Variants in AKAP6 observed in about 807,000 individuals in gnomAD.
AKAP6 encodes A-kinase anchoring protein 6, also known as A-kinase anchor protein 6.
A neutral mutation model predicts 188.5 loss-of-function variants in AKAP6; 58 were observed. The observed-to-expected ratio is 0.31, with a 90% CI of 0.25 to 0.38. The LOEUF is 0.38. Among genes scored for constraint, AKAP6 ranks in the 10% least tolerant of loss-of-function variants. The pLI, the probability that AKAP6 is intolerant of heterozygous loss-of-function variation, is 1.00. For missense variants in AKAP6, 2,710 were observed against 2,740.0 expected (o/e 0.99, Z 0.24); for synonymous variants, 989 against 998.6 (o/e 0.99, Z 0.18).
chr14:32,369,274 A>C (rs1887935005), intron 1 of AKAP6, among the ~76,000 whole-genome samples: 1 of 152,196 alleles, frequency 6.6e-6, no homozygotes, highest in Admixed American at 6.5e-5. Flanking sequence ...GGCAAGGGAC[A>C]ATTAATACAG....
intron 2 of AKAP6, among the ~76,000 whole-genome samples, chr14:32,490,514 G>T (rs1176404718): frequency 6.6e-6 from 1 of 152,000 alleles, no homozygotes; most frequent in Non-Finnish European, 1.5e-5. Flanking sequence ...ATCTTACGAG[G>T]ACTGGTCTAC....
At chr14:32,690,407 C>T (rs1259354268) in intron 8 of AKAP6, among the ~76,000 whole-genome samples, 3 of 152,092 alleles carry the variant, frequency 2.0e-5, no homozygotes, top group Non-Finnish European at 4.4e-5. Flanking sequence ...AAACACTTAG[C>T]TAGTCAAATA....
intron 2 of AKAP6, among the ~76,000 whole-genome samples, chr14:32,492,124 A>G (rs1169391498): frequency 3.3e-5 from 5 of 151,494 alleles, no homozygotes; most frequent in African/African-American, 4.9e-5. Context: ...ACCTCATACT[A>G]TCCTTCTACA....
intron 7 of AKAP6, among the ~76,000 whole-genome samples, chr14:32,653,040 G>A (rs1037543155): frequency 3.3e-5 from 5 of 152,062 alleles, no homozygotes; most frequent in African/African-American, 4.8e-5. Flanking sequence ...GTGACAGAGC[G>A]AGACCCTGTC....
At chr14:32,460,961 C>T (rs1442997045) in intron 2 of AKAP6, among the ~76,000 whole-genome samples, 1 of 152,210 alleles carries the variant, frequency 6.6e-6, no homozygotes, top group African/African-American at 2.4e-5. Flanking sequence ...GAGGTCTGGA[C>T]TGGGCGGAAC....
intron 1 of AKAP6, among the ~76,000 whole-genome samples, chr14:32,400,231 A>AT (rs747009979): frequency 4.5e-4 from 65 of 144,352 alleles, no homozygotes; most frequent in South Asian, 1.3e-3. Flanking sequence ...CTGTGGGTGG[A>AT]TTTTTTTTTT....
intron 2 of AKAP6, among the ~76,000 whole-genome samples, chr14:32,476,744 G>C (rs118058197): frequency 0.025 from 3,876 of 152,202 alleles, 64 homozygotes; most frequent in South Asian, 0.06. Context: ...ACTGACATAG[G>C]GATTGCTGCA....
chr14:32,622,045 GA>G (rs1566609871), intron 7 of AKAP6, among the ~76,000 whole-genome samples: 1 of 152,030 alleles, frequency 6.6e-6, no homozygotes, highest in African/African-American at 2.4e-5. Flanking sequence ...ACTTTTGTAA[GA>G]TTATCATTCC....
chr14:32,797,757 T>C (rs886709617), intron 12 of AKAP6, among the ~76,000 whole-genome samples: 31 of 151,586 alleles, frequency 2.0e-4, no homozygotes, highest in African/African-American at 7.3e-4. Flanking sequence ...GCACATCCTG[T>C]ACATGTACCC....
intron 1 of AKAP6, among the ~76,000 whole-genome samples, chr14:32,345,757 G>A (rs1236945878): frequency 6.6e-6 from 1 of 152,148 alleles, no homozygotes; most frequent in Non-Finnish European, 1.5e-5. Context: ...CTGGGGAGGG[G>A]TGAGTGGGCT....
intron 12 of AKAP6, among the ~76,000 whole-genome samples, chr14:32,775,538 T>TC (rs1566702734): frequency 6.6e-6 from 1 of 151,738 alleles, no homozygotes. Context: ...GCTCAAGTGA[T>TC]CCCCCCACCT....
chr14:32,727,284 T>A lies in AKAP6; in HGVS notation c.3001-5170T>A, dbSNP rs76200821. On this transcript the variant is annotated intron_variant, in intron 9 of 13. Coordinates refer to ENST00000280979, the MANE Select transcript of AKAP6 (RefSeq NM_004274.5). ...TGACATGAAAGTTTTCAGTTATTTG[T>A]GTTTTTATTTTTGTTCTGTAACAGT... 5.3e-5 allele frequency among the ~76,000 whole-genome samples: 8 copies of A among 152,264 alleles called. No individual in the cohort carries two copies. The East Asian group carries it at 1.5e-3, about 29-fold the overall frequency.
chr14:32,737,993 A>G (rs898594317), intron 11 of AKAP6, among the ~76,000 whole-genome samples: 5 of 152,202 alleles, frequency 3.3e-5, no homozygotes, highest in Admixed American at 2.6e-4. Flanking sequence ...GATTAGACAC[A>G]GAAGAAAATT....
intron 5 of AKAP6, among the ~76,000 whole-genome samples, chr14:32,594,421 A>T (rs571308466): frequency 6.6e-6 from 1 of 152,128 alleles, no homozygotes; most frequent in East Asian, 1.9e-4. Context: ...TTTAGTCTTC[A>T]TTTTGATGGC....
chr14:32,447,532 A>G (rs1232227691), intron 2 of AKAP6, among the ~76,000 whole-genome samples: 1 of 152,250 alleles, frequency 6.6e-6, no homozygotes, highest in Non-Finnish European at 1.5e-5. Flanking sequence ...TCCTGGAATT[A>G]ACCCAGAGCA....
At chr14:32,603,331 C>T (rs1886009869) in intron 7 of AKAP6, among the ~76,000 whole-genome samples, 1 of 152,000 alleles carries the variant, frequency 6.6e-6, no homozygotes, top group Non-Finnish European at 1.5e-5. Flanking sequence ...GGCACAATGA[C>T]CTAAATTAAT....
At chr14:32,333,454 A>T (rs1410103107) in intron 1 of AKAP6, among the ~76,000 whole-genome samples, 1 of 152,160 alleles carries the variant, frequency 6.6e-6, no homozygotes, top group East Asian at 1.9e-4. Flanking sequence ...CCCCAGCTAC[A>T]TTCTAGAGGG....
At chr14:32,330,883 A>G (rs1174456856) in intron 1 of AKAP6, among the ~76,000 whole-genome samples, 3 of 151,898 alleles carry the variant, frequency 2.0e-5, no homozygotes, top group Non-Finnish European at 2.9e-5. Flanking sequence ...ATGCAGCTGT[A>G]TAGGATGGGA....
chr14:32,748,966 A>G (rs76058525), intron 11 of AKAP6, among the ~76,000 whole-genome samples: 2,529 of 152,288 alleles, frequency 0.017, 63 homozygotes, highest in African/African-American at 0.057. Flanking sequence ...ACACACATAT[A>G]CACACACAAT....
Sources: gnomAD v4.1 joint callset for allele counts (sites outside exome capture counted in the v4.1 genomes callset) on GRCh38, gnomAD v4.1.1 for gene constraint, MANE v1.5 for transcripts, NCBI Gene and HGNC (gene_info 2026-07-23, HGNC 2026-07-21) for gene names.